Variants in TRMT9B observed in about 807,000 individuals in gnomAD.
TRMT9B encodes probable tRNA methyltransferase 9B.
TRMT9B carries 16 observed loss-of-function variants against 11.5 expected under a neutral mutation model. That is an observed-to-expected ratio of 1.39 (90% confidence interval 0.94 to 2.11). The LOEUF (loss-of-function observed/expected upper bound fraction) is 2.11, where lower values mean the gene tolerates loss of function less well. Among genes scored for constraint, TRMT9B ranks in the 30% most tolerant of loss-of-function variants. The probability of loss-of-function intolerance (pLI) is 0.00; values close to 1 mark genes in which losing one functional copy is unlikely to be tolerated. For missense variants in TRMT9B, 941 were observed against 553.8 expected (o/e 1.70, Z -7.02); for synonymous variants, 274 against 192.4 (o/e 1.42, Z -3.51).
At chr8:12,971,359 C>G (rs772800818) in intron 1 of TRMT9B, among the ~76,000 whole-genome samples, 1 of 152,136 alleles carries the variant, frequency 6.6e-6, no homozygotes, top group Non-Finnish European at 1.5e-5. Context: ...TGCCAGGGAA[C>G]GGCGGGCCTG....
intron 1 of TRMT9B, among the ~76,000 whole-genome samples, chr8:12,959,569 G>C (rs1314241130): frequency 8.2e-6 from 1 of 121,296 alleles, no homozygotes; most frequent in Non-Finnish European, 1.6e-5. Context: ...GCCCAGGCTG[G>C]AGTGCAGTGG....
chr8:13,012,666 CAGGT>C lies in TRMT9B; in HGVS notation c.155-17_155-14del. 1 of 1,596,650 alleles carries C rather than the reference CAGGT, an allele frequency of 6.3e-7. No homozygotes were observed. On this transcript the variant is annotated splice_polypyrimidine_tract_variant and intron_variant, in intron 3 of 4. Transcript: ENST00000524591. ...TTTCCATTGAGGATAGCATGTAACG[CAGGT>C]TTTTCTCTTATAGGTTGTGGGACTG...
At chr8:13,010,206 A>G (rs1811338477) in intron 3 of TRMT9B, 1 of 853,370 alleles carries the variant, frequency 1.2e-6, no homozygotes, top group Non-Finnish European at 1.4e-6. Flanking sequence ...AACTACATCT[A>G]TAGTAAATAT....
At chr8:12,956,545 G>A (rs946221092) in intron 1 of TRMT9B, among the ~76,000 whole-genome samples, 1 of 152,182 alleles carries the variant, frequency 6.6e-6, no homozygotes, top group Non-Finnish European at 1.5e-5. Flanking sequence ...TTAGGAAAAT[G>A]ATTGTTTAAA....
rs752979060 is a variant in TRMT9B, at chr8:13,028,266, A to G, written c.*6222A>G. On this transcript the variant is annotated 3_prime_UTR_variant, in exon 5 of 5. Coordinates refer to ENST00000524591, the MANE Select transcript of TRMT9B (RefSeq NM_020844.3). ...AGCTATAGAATAATCTATCTTACCA[A>G]TCTGATGGACCATTTGTAAGAGCTG... is the stretch of plus-strand genomic sequence containing the variant. 3 of 167,056 alleles carry G rather than the reference A, an allele frequency of 1.8e-5. No individual in the cohort carries two copies. The highest frequency in any genetic ancestry group is 2.9e-5 in the Non-Finnish European group (2 of 68,128). The allele number at this position is 167,056 out of a possible 1,614,324, so 10.3% of individuals were successfully genotyped here. A position where few individuals can be genotyped will look rare whatever the true frequency, so the allele number is the denominator to read the frequency against.
chr8:13,015,293 T>C (rs1018971599), intron 4 of TRMT9B, among the ~76,000 whole-genome samples: 2 of 151,000 alleles, frequency 1.3e-5, no homozygotes, highest in African/African-American at 4.9e-5. Context: ...TATTTTATCA[T>C]TTGTTGTCAT....
chr8:12,978,921 G>T (rs1178266389), intron 1 of TRMT9B, among the ~76,000 whole-genome samples: 1 of 152,160 alleles, frequency 6.6e-6, no homozygotes, highest in Non-Finnish European at 1.5e-5. Flanking sequence ...CTGTATGCGT[G>T]GATACTTACC....
At chr8:13,011,758 G>C in intron 3 of TRMT9B, 1 of 965,604 alleles carries the variant, frequency 1.0e-6, no homozygotes, top group Non-Finnish European at 1.2e-6. Flanking sequence ...AAGAAAAAAA[G>C]TAGTTTTTAT....
intron 2 of TRMT9B, among the ~76,000 whole-genome samples, chr8:12,998,464 G>C (rs951716402): frequency 1.3e-5 from 2 of 152,214 alleles, no homozygotes; most frequent in Admixed American, 1.3e-4. Context: ...ACAGGCAAAA[G>C]TGTGGTACAG....
chr8:12,996,643 T>A (rs536468562), intron 2 of TRMT9B, among the ~76,000 whole-genome samples: 20 of 152,326 alleles, frequency 1.3e-4, no homozygotes, highest in African/African-American at 4.3e-4. Context: ...TGCTCAGTTT[T>A]AAGTTCTAAC....
At chr8:13,003,088 T>C (rs562575583) in intron 2 of TRMT9B, among the ~76,000 whole-genome samples, 23 of 152,276 alleles carry the variant, frequency 1.5e-4, no homozygotes, top group Admixed American at 6.5e-4. Context: ...CAGTATTAAA[T>C]AAGACAACTC....
rs1434523945 is a variant in TRMT9B at position 13,012,355 on chromosome 8, T to C, written c.155-329T>C. 3 of 836,738 alleles carry C rather than the reference T, an allele frequency of 3.6e-6. No homozygotes were observed. The East Asian group carries it at 3.5e-4, about 99-fold the overall frequency. The allele number at this position is 836,738 out of a possible 1,614,324, so 51.8% of individuals were successfully genotyped here. ...ACTTTGGGAGGCCGAGGCAGGCGGA[T>C]CACCTGAGGTTGGGAGTTCGAGACC... is the stretch of plus-strand genomic sequence containing the variant. On this transcript the variant is annotated intron_variant, in intron 3 of 4. Transcript: ENST00000524591.
intron 1 of TRMT9B, among the ~76,000 whole-genome samples, chr8:12,986,645 C>G (rs924638267): frequency 6.6e-6 from 1 of 152,174 alleles, no homozygotes; most frequent in Admixed American, 6.5e-5. Flanking sequence ...ATGGCCATTA[C>G]TAAAGTTTCC....
At chr8:12,981,281 C>T (rs1490842652) in intron 1 of TRMT9B, among the ~76,000 whole-genome samples, 5 of 152,334 alleles carry the variant, frequency 3.3e-5, no homozygotes, top group African/African-American at 9.6e-5. Flanking sequence ...GTCCTCCTCT[C>T]GTTGTCACAG....
intron 1 of TRMT9B, among the ~76,000 whole-genome samples, chr8:12,981,604 AT>A (rs149457142): frequency 0.043 from 6,460 of 150,618 alleles, 187 homozygotes; most frequent in African/African-American, 0.079. Flanking sequence ...TTATTTATTT[AT>A]TTTTTTTTGA....
rs929309181 is a variant in TRMT9B, at chr8:13,023,307, A to C, written c.*1263A>C. On this transcript the variant is annotated 3_prime_UTR_variant, in exon 5 of 5. Transcript: ENST00000524591. ...GCTCTGAGAACAAACAAATTAAGGT[A>C]CAGCATAGTTAGCCTTGGTAGAGGT... The C allele has an allele frequency of 1.8e-5, 3 of 167,124 alleles. No individual in the cohort carries two copies. Among genetic ancestry groups the C allele is most frequent in the African/African-American group, 7.2e-5 (3 of 41,470 alleles). 10.4% of individuals were successfully genotyped at this position (167,124 alleles called of 1,614,324 possible).
chr8:12,991,269 G>C (rs994323154), intron 2 of TRMT9B, among the ~76,000 whole-genome samples: 1 of 152,244 alleles, frequency 6.6e-6, no homozygotes, highest in East Asian at 1.9e-4. Context: ...AAATACTTTT[G>C]TAGGACTTAA....
chr8:13,009,585 A>G (rs1250459451), intron 3 of TRMT9B, among the ~76,000 whole-genome samples: 1 of 152,220 alleles, frequency 6.6e-6, no homozygotes, highest in South Asian at 2.1e-4. Context: ...TGTAAAAATA[A>G]GCGTATTTGT....
chr8:12,974,019 T>A (rs571978288), intron 1 of TRMT9B, among the ~76,000 whole-genome samples: 46 of 151,898 alleles, frequency 3.0e-4, no homozygotes, highest in South Asian at 1.3e-3. Flanking sequence ...ATTTTTTTTT[T>A]AAAAAGCTAG....
Sources: gnomAD v4.1 joint callset for allele counts (sites outside exome capture counted in the v4.1 genomes callset) on GRCh38, gnomAD v4.1.1 for gene constraint, MANE v1.5 for transcripts, NCBI Gene and HGNC (gene_info 2026-07-23, HGNC 2026-07-21) for gene names.